The following CCDC6 variants were observed in gnomAD, a reference collection of about 807,000 sequenced individuals.
CCDC6 encodes the protein coiled-coil domain-containing protein 6.
In CCDC6, 20 loss-of-function variants were observed where a neutral mutation model predicts 56.6. The observed-to-expected ratio is 0.35, with a 90% CI of 0.25 to 0.51. The LOEUF (loss-of-function observed/expected upper bound fraction) is 0.51, where lower values mean the gene tolerates loss of function less well. Ranked by LOEUF, CCDC6 falls within the 20% of genes least tolerant of loss-of-function variation. CCDC6 has a pLI of 0.95. For missense variants in CCDC6, 367 were observed against 601.1 expected (o/e 0.61, Z 4.07); for synonymous variants, 241 against 234.4 (o/e 1.03, Z -0.26).
At chr10:59,809,237 G>A (rs1589036739) in intron 5 of CCDC6, among the ~76,000 whole-genome samples, 1 of 152,168 alleles carries the variant, frequency 6.6e-6, no homozygotes. Flanking sequence ...GCCTTTTACA[G>A]GAAGGGTGCT....
chr10:59,845,513 G>A (rs547122068), intron 2 of CCDC6, among the ~76,000 whole-genome samples: 4 of 152,250 alleles, frequency 2.6e-5, no homozygotes, highest in African/African-American at 9.6e-5. Flanking sequence ...ACATTGCAAT[G>A]AGAGATTTTT....
chr10:59,814,899 A>G, intron 3 of CCDC6, 144 bp from the exon 4 acceptor site: 1 of 610,232 alleles, frequency 1.6e-6, no homozygotes, highest in Admixed American at 2.8e-5. Context: ...TATTAAGTGC[A>G]TCTAGTTCTT....
chr10:59,799,752 C>T (rs1564737035), intron 7 of CCDC6, among the ~76,000 whole-genome samples: 1 of 152,036 alleles, frequency 6.6e-6, no homozygotes, highest in Non-Finnish European at 1.5e-5. Flanking sequence ...AGGCAAAGAC[C>T]ACAGAGTCTA....
At chr10:59,897,417 C>T (rs1046119647) in intron 1 of CCDC6, among the ~76,000 whole-genome samples, 1 of 152,014 alleles carries the variant, frequency 6.6e-6, no homozygotes, top group Non-Finnish European at 1.5e-5. Context: ...CCATGCCCAG[C>T]TAATTTTTTG....
chr10:59,892,310 A>G (rs1057149778), intron 1 of CCDC6, among the ~76,000 whole-genome samples: 2 of 152,194 alleles, frequency 1.3e-5, no homozygotes, highest in Admixed American at 6.5e-5. Flanking sequence ...TAGGGAAAAA[A>G]ACCAGATCTT....
intron 1 of CCDC6, among the ~76,000 whole-genome samples, chr10:59,890,925 C>T (rs2071417996): frequency 6.6e-6 from 1 of 152,058 alleles, no homozygotes; most frequent in African/African-American, 2.4e-5. Flanking sequence ...TGTTCCCTAC[C>T]CTGTGTCCAA....
At chr10:59,804,709 C>T in intron 6 of CCDC6, 189 bp from the exon 7 acceptor site, 1 of 544,388 alleles carries the variant, frequency 1.8e-6, no homozygotes, top group Non-Finnish European at 3.3e-6. Context: ...TGACAAACCT[C>T]ACTCCAAGGG....
intron 1 of CCDC6, among the ~76,000 whole-genome samples, chr10:59,878,513 CA>C (rs1006061270): frequency 1.3e-5 from 2 of 152,194 alleles, no homozygotes; most frequent in African/African-American, 4.8e-5. Context: ...AAGGAATTCA[CA>C]GCTGCAGTTT....
intron 1 of CCDC6, among the ~76,000 whole-genome samples, chr10:59,856,070 T>C (rs1423814961): frequency 6.6e-6 from 1 of 152,226 alleles, no homozygotes; most frequent in East Asian, 1.9e-4. Context: ...CCTGTTAAAA[T>C]CTGGCTAACT....
chr10:59,894,578 A>G (rs1274162126), intron 1 of CCDC6, among the ~76,000 whole-genome samples: 1 of 152,190 alleles, frequency 6.6e-6, no homozygotes, highest in African/African-American at 2.4e-5. Context: ...TTTGTTGAAA[A>G]AAATAAAAAA....
chr10:59,833,549 C>T (rs2070851244), intron 2 of CCDC6, among the ~76,000 whole-genome samples: 1 of 144,046 alleles, frequency 6.9e-6, no homozygotes, highest in South Asian at 2.2e-4. Context: ...ACCTACAAAA[C>T]CAAAGGAAAA....
At chr10:59,858,499 A>G (rs999935047) in intron 1 of CCDC6, among the ~76,000 whole-genome samples, 3 of 152,204 alleles carry the variant, frequency 2.0e-5, no homozygotes, top group African/African-American at 7.2e-5. Context: ...AAATAGCACC[A>G]AAGAGTGACT....
At position 59,794,030 on chromosome 10, in the gene CCDC6, C is replaced by T. The variant is rs186395879; in HGVS notation, c.1230+443G>A. Among the ~76,000 whole-genome samples, 7 of 152,176 alleles carry T rather than the reference C, an allele frequency of 4.6e-5. No individual in the cohort carries two copies. The East Asian group carries it at 1.4e-3, about 29-fold the overall frequency. On this transcript the variant is annotated intron_variant, in intron 8 of 8. Coordinates refer to ENST00000263102, the MANE Select transcript of CCDC6 (RefSeq NM_005436.5). ...AAAACTCCCTTGGGTAGAGTTGGAA[C>T]CAGATGCACTTAAGCTTCCTTGTAA...
At chr10:59,828,212 C>T (rs752785140) in intron 3 of CCDC6, among the ~76,000 whole-genome samples, 26 of 152,148 alleles carry the variant, frequency 1.7e-4, no homozygotes, top group Middle Eastern at 3.2e-3. Flanking sequence ...ATAGTGACCA[C>T]GTTTGAAGAA....
rs962905344 is a variant in CCDC6, at chr10:59,905,801, C to T, written c.303+321G>A. On this transcript the variant is annotated intron_variant, in intron 1 of 8. Coordinates refer to ENST00000263102, the MANE Select transcript of CCDC6 (RefSeq NM_005436.5). ...TAGGGCTGAAAAAAGTCCTACCCCG[C>T]CCCCCAGCCACGCCGCCAGCCTCCA... is the stretch of plus-strand genomic sequence containing the variant. 5.9e-5 allele frequency among the ~76,000 whole-genome samples: 9 copies of T among 152,190 alleles called. No homozygotes were observed. In the East Asian group the frequency reaches 1.5e-3, roughly 26 times the overall value.
chr10:59,832,379 T>C, intron 3 of CCDC6, 146 bp downstream of exon 3: 1 of 640,832 alleles, frequency 1.6e-6, no homozygotes, highest in Non-Finnish European at 2.6e-6. Flanking sequence ...AACCTGTCAA[T>C]GCTCACTTTA....
intron 3 of CCDC6, among the ~76,000 whole-genome samples, chr10:59,818,495 C>CCGG (rs2070725480): frequency 1.2e-5 from 1 of 83,122 alleles, no homozygotes; most frequent in Non-Finnish European, 2.4e-5. Flanking sequence ...ATAATGTTGA[C>CCGG]GGGGGGGGGG....
At chr10:59,898,251 T>C (rs2132686987) in intron 1 of CCDC6, among the ~76,000 whole-genome samples, 1 of 152,190 alleles carries the variant, frequency 6.6e-6, no homozygotes, top group Admixed American at 6.5e-5. Flanking sequence ...AATTAAAATA[T>C]CAATGACATT....
At chr10:59,865,122 A>G (rs2071166302) in intron 1 of CCDC6, among the ~76,000 whole-genome samples, 1 of 152,220 alleles carries the variant, frequency 6.6e-6, no homozygotes, top group Non-Finnish European at 1.5e-5. Flanking sequence ...AAACCTATCA[A>G]TGTCCCACCC....
Sources: gnomAD v4.1 joint callset for allele counts (sites outside exome capture counted in the v4.1 genomes callset) on GRCh38, gnomAD v4.1.1 for gene constraint, MANE v1.5 for transcripts, NCBI Gene and HGNC (gene_info 2026-07-23, HGNC 2026-07-21) for gene names.